Variants in ANXA10 observed in about 807,000 individuals in gnomAD.
ANXA10 encodes the protein annexin A10, also known as annexin 14.
ANXA10 carries 49 observed loss-of-function variants against 53.5 expected under a neutral mutation model. That is an observed-to-expected ratio of 0.92 (90% CI 0.73 to 1.16). The LOEUF (loss-of-function observed/expected upper bound fraction) is 1.16, where lower values mean the gene tolerates loss of function less well. Ranked by LOEUF, ANXA10 falls within the 50% of genes most tolerant of loss-of-function variation. The pLI, the probability that ANXA10 is intolerant of heterozygous loss-of-function variation, is 0.00. For synonymous variants in ANXA10, 131 were observed against 128.9 expected (o/e 1.02, Z -0.11); for missense variants, 393 against 394.4 (o/e 1.00, Z 0.03).
chr4:168,184,598 A>T lies in ANXA10; in HGVS notation c.823A>T (p.Ile275Phe). ...TAATAAAACTGTAATCAGGATTCTC[A>T]TTGCCAGAAGTGAAATAGACCTGCT... ...FHNKTVIRIL[I>F]ARSEIDLLTI... Residue 275 changes from isoleucine (I) to phenylalanine (F), a missense_variant, in exon 11 of 12, where the codon ATT (isoleucine) becomes TTT (phenylalanine). Ile to Phe is a conservative substitution (Grantham distance 21, BLOSUM62 0). Transcript: ENST00000359299. 6.2e-7 allele frequency: 1 copy of T among 1,613,978 alleles called. No homozygotes were observed. The highest frequency in any genetic ancestry group is 8.5e-7 in the Non-Finnish European group (1 of 1,179,876).
At chr4:168,139,120 G>T (rs954501417) in intron 2 of ANXA10, among the ~76,000 whole-genome samples, 2 of 152,078 alleles carry the variant, frequency 1.3e-5, no homozygotes, top group Non-Finnish European at 2.9e-5. Flanking sequence ...TCCAGCTAGG[G>T]CTCCTAGTAC....
At chr4:168,110,907 A>G (rs1021525591) in intron 1 of ANXA10, among the ~76,000 whole-genome samples, 17 of 152,216 alleles carry the variant, frequency 1.1e-4, no homozygotes, top group Non-Finnish European at 1.8e-4. Context: ...GGAGGAAAGT[A>G]AAAGGTAATC....
At chr4:168,140,325 T>G (rs552630412) in intron 3 of ANXA10, among the ~76,000 whole-genome samples, 5 of 152,266 alleles carry the variant, frequency 3.3e-5, no homozygotes, top group African/African-American at 1.2e-4. Flanking sequence ...CCATGTAAAT[T>G]TACTCCACCT....
intron 1 of ANXA10, among the ~76,000 whole-genome samples, chr4:168,110,397 C>G (rs1453569829): frequency 6.6e-6 from 1 of 151,152 alleles, no homozygotes; most frequent in Non-Finnish European, 1.5e-5. Context: ...AATGAAATGC[C>G]TTCCACCCAT....
intron 6 of ANXA10, among the ~76,000 whole-genome samples, chr4:168,176,328 T>A (rs1732126332): frequency 6.6e-6 from 1 of 152,106 alleles, no homozygotes; most frequent in Non-Finnish European, 1.5e-5. Context: ...CTTACTTAGG[T>A]CAGAGCCAAA....
chr4:168,187,554 TTCTA>T lies in ANXA10; in HGVS notation c.*124_*127del, dbSNP rs1732395206. The T allele has an allele frequency of 3.6e-6, 2 of 554,732 alleles. No homozygotes were observed. Among genetic ancestry groups the T allele is most frequent in the Middle Eastern group, 2.8e-4 (1 of 3,524 alleles). 34.4% of individuals were successfully genotyped at this position (554,732 alleles called of 1,614,324 possible). ...CAAAACTATACAATCATATTTTCTC[TTCTA>T]TCTTTGAAATTATTCTAAGCCAAAG... On this transcript the variant is annotated 3_prime_UTR_variant, in exon 12 of 12. Coordinates refer to ENST00000359299, the MANE Select transcript of ANXA10 (RefSeq NM_007193.5).
intron 3 of ANXA10, among the ~76,000 whole-genome samples, chr4:168,144,359 G>A (rs1357020825): frequency 6.6e-6 from 1 of 152,062 alleles, no homozygotes; most frequent in Non-Finnish European, 1.5e-5. Context: ...GCTAATTTTT[G>A]TATTTTTAGT....
intron 3 of ANXA10, among the ~76,000 whole-genome samples, chr4:168,150,274 CAAAA>C (rs1354766481): frequency 6.6e-6 from 1 of 152,142 alleles, no homozygotes; most frequent in South Asian, 2.1e-4. Context: ...TATTATCAAA[CAAAA>C]AACCCCAAAT....
At chr4:168,140,665 C>A (rs1731310884) in intron 3 of ANXA10, among the ~76,000 whole-genome samples, 1 of 151,152 alleles carries the variant, frequency 6.6e-6, no homozygotes. Context: ...GTTGTCCAAG[C>A]TGGAGTGCAA....
chr4:168,107,320 A>AT (rs1730734712), intron 1 of ANXA10, among the ~76,000 whole-genome samples: 1 of 152,270 alleles, frequency 6.6e-6, no homozygotes, highest in Non-Finnish European at 1.5e-5. Flanking sequence ...GTGTTTAGAG[A>AT]TTTTTTAGTG....
intron 5 of ANXA10, among the ~76,000 whole-genome samples, chr4:168,165,032 T>C (rs1731850089): frequency 6.6e-6 from 1 of 152,188 alleles, no homozygotes; most frequent in African/African-American, 2.4e-5. Flanking sequence ...TTTTTCAATT[T>C]TGGACTAAAG....
intron 1 of ANXA10, among the ~76,000 whole-genome samples, chr4:168,094,635 T>C (rs76213933): frequency 0.024 from 3,589 of 152,210 alleles, 136 homozygotes; most frequent in African/African-American, 0.078. Context: ...GCAGTCCTGA[T>C]GCAGTATATA....
At chr4:168,155,253 T>C (rs1225207834) in intron 3 of ANXA10, among the ~76,000 whole-genome samples, 1 of 144,912 alleles carries the variant, frequency 6.9e-6, no homozygotes, top group East Asian at 2.0e-4. Context: ...ATTCGTACAA[T>C]TCTGTAAGTT....
intron 3 of ANXA10, 59 bp downstream of exon 3, chr4:168,139,639 C>A: frequency 2.3e-6 from 3 of 1,297,406 alleles, no homozygotes; most frequent in Middle Eastern, 1.9e-4. Flanking sequence ...TAACCACACT[C>A]ACGGATAATA....
At position 168,184,545 on chromosome 4, in the gene ANXA10, T is replaced by C. The variant is rs753139839; in HGVS notation, c.784-14T>C. 5.1e-5 allele frequency: 82 copies of C among 1,613,276 alleles called. No homozygotes were observed. The highest frequency in any genetic ancestry group is 6.8e-5 in the Non-Finnish European group (80 of 1,179,600). ...GCTGTCTTCTCATTTCTCCCACTTT[T>C]CTGTATCTTTTAGGACTTTGGTTTC... On this transcript the variant is annotated splice_polypyrimidine_tract_variant and intron_variant, in intron 10 of 11. Transcript: ENST00000359299.
At position 168,162,590 on chromosome 4, in the gene ANXA10, C is replaced by T. The variant is rs778182459; in HGVS notation, c.258C>T (p.Leu86=). The T allele has an allele frequency of 1.3e-5, 21 of 1,613,940 alleles. No individual in the cohort carries two copies. The South Asian group carries it at 1.9e-4, about 14-fold the overall frequency. ...SDHFKDVMAG[L]MYPPPLYDAH... is the part of the protein sequence containing the mutation. Reference sequence around the variant, plus strand: ...ACTTCAAAGATGTGATGGCTGGCCTCATGTACCCACCACCACTGTATGATG... The same window carrying T: ...ACTTCAAAGATGTGATGGCTGGCCTTATGTACCCACCACCACTGTATGATG... Residue 86 remains leucine (L), a synonymous_variant, in exon 4 of 12, where the codon CTC becomes CTT. Coordinates refer to ENST00000359299, the MANE Select transcript of ANXA10 (RefSeq NM_007193.5).
At chr4:168,176,628 G>C (rs999334244) in intron 6 of ANXA10, among the ~76,000 whole-genome samples, 2 of 152,126 alleles carry the variant, frequency 1.3e-5, no homozygotes, top group Admixed American at 1.3e-4. Flanking sequence ...GTTTATTCAA[G>C]GAAGTTGTGT....
chr4:168,180,218 A>AT (rs1272329804), intron 9 of ANXA10, among the ~76,000 whole-genome samples: 1 of 152,234 alleles, frequency 6.6e-6, no homozygotes, highest in Non-Finnish European at 1.5e-5. Context: ...ATAACTGTGT[A>AT]TTTTTTCTGA....
intron 3 of ANXA10, among the ~76,000 whole-genome samples, chr4:168,145,677 T>A (rs1252583277): frequency 1.3e-5 from 2 of 152,214 alleles, no homozygotes; most frequent in Non-Finnish European, 2.9e-5. Context: ...TCCCAAATTT[T>A]ACAAATAGGT....
Sources: gnomAD v4.1 joint callset for allele counts (sites outside exome capture counted in the v4.1 genomes callset) on GRCh38, gnomAD v4.1.1 for gene constraint, MANE v1.5 for transcripts, NCBI Gene and HGNC (gene_info 2026-07-23, HGNC 2026-07-21) for gene names.